RAB15: variants seen among roughly 807,000 people sequenced by gnomAD.
The protein encoded by RAB15 is ras-related protein Rab-15.
In RAB15, 13 loss-of-function variants were observed where a neutral mutation model predicts 31.8. The ratio of observed to expected loss-of-function variants is 0.41; its 90% CI spans 0.27 to 0.65. The LOEUF (loss-of-function observed/expected upper bound fraction) is 0.65. Ranked by LOEUF, RAB15 falls within the 30% of genes least tolerant of loss-of-function variation. RAB15 has a pLI of 0.32. For missense variants in RAB15, 220 were observed against 277.3 expected, an observed-to-expected ratio of 0.79 and a Z score of 1.47; for synonymous variants, 100 against 105.6, an observed-to-expected ratio of 0.95 and a Z score of 0.33.
At position 64,972,090 on chromosome 14, in the gene RAB15, G is replaced by A. The variant is rs1887460526; in HGVS notation, c.-14C>T. On this transcript the variant is annotated 5_prime_UTR_variant, in exon 1 of 7. Transcript: ENST00000533601. The surrounding 1 kb of genome is among the most constrained non-coding windows in gnomAD (Gnocchi z 6.3). ...CTGCTTCGCCATGACTGGGGCCAGC[G>A]GGGCCGGGAACTGCGGGCGGGCAGC... 1.9e-6 allele frequency: 3 copies of A among 1,590,190 alleles called. No individual in the cohort carries two copies. The highest frequency in any genetic ancestry group is 2.2e-5 in the South Asian group (2 of 88,986).
chr14:64,948,550 T>A lies in RAB15; in HGVS notation c.481-38A>T, dbSNP rs1421188685. The stretch of plus-strand genomic sequence containing the variant: ...GGGCACAGGTTAGTCCAGTGTCTCC[T>A]CCTCTCCCCTGGCAACCCTGCAGCG... On this transcript the variant is annotated intron_variant, in intron 6 of 6. Coordinates refer to ENST00000533601, the MANE Select transcript of RAB15 (RefSeq NM_001308154.2). The surrounding 1 kb of genome is among the most constrained non-coding windows in gnomAD (Gnocchi z 7.0). 2.4e-5 allele frequency: 39 copies of A among 1,599,912 alleles called. No individual in the cohort carries two copies. Among genetic ancestry groups the A allele is most frequent in the Admixed American group, 5.1e-5 (3 of 58,714 alleles).
chr14:64,948,803 G>C lies in RAB15; in HGVS notation c.415-70C>G. On this transcript the variant is annotated intron_variant, in intron 5 of 6. Coordinates refer to ENST00000533601, the MANE Select transcript of RAB15 (RefSeq NM_001308154.2). The surrounding 1 kb of genome is among the most constrained non-coding windows in gnomAD (Gnocchi z 7.0). Reference sequence around the variant, plus strand: ...GAGGGGCCCATACAACCAGGCACAGGCTTCTGCCACTGCACTCACAACCAT... The same window carrying C: ...GAGGGGCCCATACAACCAGGCACAGCCTTCTGCCACTGCACTCACAACCAT... 5.9e-6 allele frequency: 8 copies of C among 1,365,976 alleles called. No homozygotes were observed. The highest frequency in any genetic ancestry group is 8.3e-6 in the Non-Finnish European group (8 of 962,468). 84.6% of individuals were successfully genotyped at this position (1,365,976 alleles called of 1,614,324 possible). A position where few individuals can be genotyped will look rare whatever the true frequency, so the allele number is the denominator to read the frequency against.
intron 1 of RAB15, among the ~76,000 whole-genome samples, chr14:64,960,055 C>T (rs895231194): frequency 6.6e-6 from 1 of 152,164 alleles, no homozygotes; most frequent in African/African-American, 2.4e-5. Context: ...TGGGCCCCAT[C>T]CTCTTCCTGC....
chr14:64,952,446 G>T lies in RAB15; in HGVS notation c.185+65C>A. ...GCCTAGGAATTTTACACATGGCAGG[G>T]GCAGCTAAGGAGCAGCCAGAAGTCC... On this transcript the variant is annotated intron_variant, in intron 2 of 6. Transcript: ENST00000533601. The surrounding 1 kb of genome is among the most constrained non-coding windows in gnomAD (Gnocchi z 4.2). The T allele has an allele frequency of 8.2e-7, 1 of 1,225,554 alleles. No individual in the cohort carries two copies. The highest frequency in any genetic ancestry group is 1.2e-5 in the South Asian group (1 of 81,248). 75.9% of individuals were successfully genotyped at this position (1,225,554 alleles called of 1,614,324 possible). A position where few individuals can be genotyped will look rare whatever the true frequency, so the allele number is the denominator to read the frequency against.
intron 5 of RAB15, among the ~76,000 whole-genome samples, chr14:64,949,593 T>A (rs1316502726): frequency 6.6e-6 from 1 of 151,856 alleles, no homozygotes; most frequent in African/African-American, 2.4e-5. Context: ...CGTGGTGGCA[T>A]GCACCTGTAA....
chr14:64,948,056 G>A lies in RAB15; in HGVS notation c.*298C>T, dbSNP rs1412167674. On this transcript the variant is annotated 3_prime_UTR_variant, in exon 7 of 7. Coordinates refer to ENST00000533601, the MANE Select transcript of RAB15 (RefSeq NM_001308154.2). The surrounding 1 kb of genome is among the most constrained non-coding windows in gnomAD (Gnocchi z 7.0). The stretch of plus-strand genomic sequence containing the variant: ...GGCCTGGACTCCAGCCCTGGCTGTT[G>A]TCTGGTGGGTGCGGGATGGTGAGAC... The A allele has an allele frequency of 3.0e-6, 1 of 332,062 alleles. No individual in the cohort carries two copies. The highest frequency in any genetic ancestry group is 4.6e-5 in the East Asian group (1 of 21,556). The allele number at this position is 332,062 out of a possible 1,614,324, so 20.6% of individuals were successfully genotyped here.
intron 1 of RAB15, among the ~76,000 whole-genome samples, chr14:64,956,816 G>A (rs1189333113): frequency 3.3e-5 from 5 of 152,182 alleles, no homozygotes; most frequent in African/African-American, 1.2e-4. Flanking sequence ...GTAGTTTCAA[G>A]AGCTATATAT....
At position 64,971,629 on chromosome 14, in the gene RAB15, C is replaced by G. The variant is rs2140009507; in HGVS notation, c.124+324G>C. ...CCCCTGGGGGTGTGGGGATGTTATTCCAGCGGCTACGATTCTTGCTACCCC... is the reference window on the plus strand; with the variant it reads ...CCCCTGGGGGTGTGGGGATGTTATTGCAGCGGCTACGATTCTTGCTACCCC... On this transcript the variant is annotated intron_variant, in intron 1 of 6. Coordinates refer to ENST00000533601, the MANE Select transcript of RAB15 (RefSeq NM_001308154.2). The surrounding 1 kb of genome is among the most constrained non-coding windows in gnomAD (Gnocchi z 4.1). 6.6e-6 allele frequency among the ~76,000 whole-genome samples: 1 copy of G among 152,152 alleles called. No homozygotes were observed. Among genetic ancestry groups the G allele is most frequent in the Non-Finnish European group, 1.5e-5 (1 of 67,984 alleles).
At position 64,962,767 on chromosome 14, in the gene RAB15, G is replaced by T. The variant is rs991936989; in HGVS notation, c.124+9186C>A. 8.5e-5 allele frequency among the ~76,000 whole-genome samples: 13 copies of T among 152,296 alleles called. No individual in the cohort carries two copies. Among genetic ancestry groups the T allele is most frequent in the African/African-American group, 2.6e-4 (11 of 41,560 alleles). On this transcript the variant is annotated intron_variant, in intron 1 of 6. Transcript: ENST00000533601. This position sits in a 1 kb window ranked among gnomAD's most constrained non-coding sequence, Gnocchi z 4.2. Reference sequence around the variant, plus strand: ...TCTCCTTTGTTACAAAAGGGGAACTGCAGCAAGACCCCTCCCTTCTCTCAG... The same window carrying T: ...TCTCCTTTGTTACAAAAGGGGAACTTCAGCAAGACCCCTCCCTTCTCTCAG...
At chr14:64,949,293 A>G (rs1179943561) in intron 5 of RAB15, among the ~76,000 whole-genome samples, 2 of 152,252 alleles carry the variant, frequency 1.3e-5, no homozygotes, top group Non-Finnish European at 2.9e-5. Context: ...CTACTTTCAA[A>G]TTGGTCAATG....
Position 64,952,400 on chromosome 14 carries a change from T to C in RAB15, c.185+111A>G, listed in dbSNP as rs1294654823. 2.6e-6 allele frequency: 2 copies of C among 767,392 alleles called. No homozygotes were observed. Among genetic ancestry groups the C allele is most frequent in the African/African-American group, 1.8e-5 (1 of 56,724 alleles). The allele number at this position is 767,392 out of a possible 1,614,324, so 47.5% of individuals were successfully genotyped here. On this transcript the variant is annotated intron_variant, in intron 2 of 6. Coordinates refer to ENST00000533601, the MANE Select transcript of RAB15 (RefSeq NM_001308154.2). The surrounding 1 kb of genome is among the most constrained non-coding windows in gnomAD (Gnocchi z 4.2). The stretch of plus-strand genomic sequence containing the variant: ...ACTTCGCTTCCATCCATCAGAGAGG[T>C]GGCCAGTTATCCCAGGTGAAGCCTA...
intron 1 of RAB15, among the ~76,000 whole-genome samples, chr14:64,963,204 C>A (rs938465619): frequency 6.7e-6 from 1 of 150,130 alleles, no homozygotes; most frequent in Non-Finnish European, 1.5e-5. Context: ...CTGCAACCTC[C>A]ACCTCCTGTG....
chr14:64,964,308 G>C (rs1191525523), intron 1 of RAB15, among the ~76,000 whole-genome samples: 1 of 151,952 alleles, frequency 6.6e-6, no homozygotes, highest in Non-Finnish European at 1.5e-5. Context: ...CGGATCACGA[G>C]GTCAGGAGAT....
Position 64,972,147 on chromosome 14 carries a change from G to T in RAB15, c.-71C>A. 1 of 1,217,754 alleles carries T rather than the reference G, an allele frequency of 8.2e-7. No homozygotes were observed. Among genetic ancestry groups the T allele is most frequent in the Non-Finnish European group, 1.0e-6 (1 of 975,908 alleles). 75.4% of individuals were successfully genotyped at this position (1,217,754 alleles called of 1,614,324 possible). A position where few individuals can be genotyped will look rare whatever the true frequency, so the allele number is the denominator to read the frequency against. ...AGCCCTGCTCCGCCGCTGCCATCGC[G>T]GCCCGCGCCCGCCCGGGGACGCTGC... On this transcript the variant is annotated 5_prime_UTR_variant, in exon 1 of 7. Coordinates refer to ENST00000533601, the MANE Select transcript of RAB15 (RefSeq NM_001308154.2). The surrounding 1 kb of genome is among the most constrained non-coding windows in gnomAD (Gnocchi z 6.3).
At chr14:64,965,270 C>T (rs1887072705) in intron 1 of RAB15, among the ~76,000 whole-genome samples, 4 of 151,854 alleles carry the variant, frequency 2.6e-5, no homozygotes. Flanking sequence ...CCAGCCTGGC[C>T]AACATGGTGA....
intron 5 of RAB15, among the ~76,000 whole-genome samples, chr14:64,949,775 C>T (rs1382040415): frequency 2.0e-5 from 3 of 151,194 alleles, no homozygotes; most frequent in Non-Finnish European, 1.5e-5. Context: ...ATATTTCTTT[C>T]TGCTCTCTGG....
chr14:64,952,639 G>T lies in RAB15; in HGVS notation c.125-68C>A. 8.8e-7 allele frequency: 1 copy of T among 1,142,676 alleles called. No individual in the cohort carries two copies. The highest frequency in any genetic ancestry group is 1.3e-6 in the Non-Finnish European group (1 of 768,694). 70.8% of individuals were successfully genotyped at this position (1,142,676 alleles called of 1,614,324 possible). The stretch of plus-strand genomic sequence containing the variant: ...CGAGAAATGAACAGGAAAGGGCCAG[G>T]CAATCACACTTGAAAGGTTTCCTTT... On this transcript the variant is annotated intron_variant, in intron 1 of 6. Coordinates refer to ENST00000533601, the MANE Select transcript of RAB15 (RefSeq NM_001308154.2). The surrounding 1 kb of genome is among the most constrained non-coding windows in gnomAD (Gnocchi z 4.2).
In RAB15 at chr14:64,952,179, G is replaced by C. The variant is rs567573410; in HGVS notation, c.185+332C>G. Among the ~76,000 whole-genome samples, 1 of 152,250 alleles carries C rather than the reference G, an allele frequency of 6.6e-6. No homozygotes were observed. The highest frequency in any genetic ancestry group is 6.5e-5 in the Admixed American group (1 of 15,296). On this transcript the variant is annotated intron_variant, in intron 2 of 6. Transcript: ENST00000533601. The surrounding 1 kb of genome is among the most constrained non-coding windows in gnomAD (Gnocchi z 4.2). ...CTCTCAGGGTCTCGCCCTAAATGAT[G>C]GGGGGTGTAGCCTCCTTCCTTCCAA... is the stretch of plus-strand genomic sequence containing the variant.
Position 64,948,193 on chromosome 14 carries a change from G to T in RAB15, c.*161C>A. ...GGGACAGGGGCTGCTTGAGATGACA[G>T]CAGAGCCGCTCTCAGGGCCAGGCAG... On this transcript the variant is annotated 3_prime_UTR_variant, in exon 7 of 7. Coordinates refer to ENST00000533601, the MANE Select transcript of RAB15 (RefSeq NM_001308154.2). This position sits in a 1 kb window ranked among gnomAD's most constrained non-coding sequence, Gnocchi z 7.0. The T allele has an allele frequency of 1.4e-6, 1 of 728,724 alleles. No individual in the cohort carries two copies. Among genetic ancestry groups the T allele is most frequent in the Non-Finnish European group, 2.1e-6 (1 of 475,602 alleles). The allele number at this position is 728,724 out of a possible 1,614,324, so 45.1% of individuals were successfully genotyped here. A position where few individuals can be genotyped will look rare whatever the true frequency, so the allele number is the denominator to read the frequency against.
Sources: allele counts gnomAD v4.1 joint callset (sites outside exome capture counted in the v4.1 genomes callset), GRCh38; gene constraint gnomAD v4.1.1; non-coding constraint Gnocchi (gnomAD v3.1); transcripts MANE v1.5; gene names NCBI Gene and HGNC (gene_info 2026-07-23, HGNC 2026-07-21).